Variants in ZFR observed in about 807,000 individuals in gnomAD.
ZFR encodes zinc finger RNA-binding protein.
In ZFR, 19 loss-of-function variants were observed where a neutral mutation model predicts 130.7. The ratio of observed to expected loss-of-function variants is 0.15; its 90% CI spans 0.10 to 0.21. The LOEUF (loss-of-function observed/expected upper bound fraction) is 0.21. Ranked by LOEUF, ZFR falls within the 10% of genes least tolerant of loss-of-function variation. The probability of loss-of-function intolerance (pLI) is 1.00; values close to 1 mark genes in which losing one functional copy is unlikely to be tolerated. For synonymous variants in ZFR, 466 were observed against 456.9 expected, an observed-to-expected ratio of 1.02 and a Z score of -0.25; for missense variants, 872 against 1,321.5, an observed-to-expected ratio of 0.66 and a Z score of 5.27.
At chr5:32,358,390 G>C (rs961058033) in intron 19 of ZFR, among the ~76,000 whole-genome samples, 1 of 152,176 alleles carries the variant, frequency 6.6e-6, no homozygotes, top group Non-Finnish European at 1.5e-5. Context: ...GCCGGGCGCG[G>C]TGGCGCAAGC....
intron 17 of ZFR, among the ~76,000 whole-genome samples, chr5:32,368,440 C>T (rs1218696271): frequency 1.3e-5 from 2 of 152,116 alleles, no homozygotes; most frequent in African/African-American, 2.4e-5. Flanking sequence ...TTCTCCATAT[C>T]GGTCAGGCTG....
chr5:32,365,287 T>C (rs982576923), intron 17 of ZFR, among the ~76,000 whole-genome samples: 1 of 152,312 alleles, frequency 6.6e-6, no homozygotes, highest in East Asian at 1.9e-4. Context: ...CTTTTGGCTA[T>C]ACACTAAAAA....
chr5:32,397,148 T>C lies in ZFR; in HGVS notation c.1833+71A>G, dbSNP rs2303170. 0.012 allele frequency: 18,723 copies of C among 1,508,296 alleles called. 1,626 individuals are homozygous for C. In the East Asian group the frequency reaches 0.21, roughly 17 times the overall value. 93.4% of individuals were successfully genotyped at this position (1,508,296 alleles called of 1,614,324 possible). A position where few individuals can be genotyped will look rare whatever the true frequency, so the allele number is the denominator to read the frequency against. ...CTGTGTTTAGATGCTTTCTTTTACA[T>C]AAAGAATGCTCTGGGTGTTTTTGTT... On this transcript the variant is annotated intron_variant, in intron 10 of 19. Coordinates refer to ENST00000265069, the MANE Select transcript of ZFR (RefSeq NM_016107.5).
chr5:32,405,343 T>C (rs1272067348), intron 6 of ZFR, among the ~76,000 whole-genome samples: 1 of 152,228 alleles, frequency 6.6e-6, no homozygotes, highest in East Asian at 1.9e-4. Flanking sequence ...CTTACTCTTT[T>C]CCTTCTTATG....
Position 32,388,660 on chromosome 5 carries a change from A to G in ZFR, c.2157T>C (p.Pro719=). Residue 719 remains proline, a synonymous_variant, in exon 13 of 20, where the codon CCT becomes CCC. Transcript: ENST00000265069. The stretch of plus-strand genomic sequence containing the variant: ...TTACATAACGGTCATCAGATGAGTC[A>G]GGACGACGTAAGGGCTACAGAGAAA... ...QPQGPAPLRR[P]DSSDDRYVMT... is the part of the protein sequence containing the mutation. 1 of 1,613,666 alleles carries G rather than the reference A, an allele frequency of 6.2e-7. No homozygotes were observed. Among genetic ancestry groups the G allele is most frequent in the African/African-American group, 1.3e-5 (1 of 75,062 alleles).
chr5:32,389,792 C>G (rs1401824679), intron 12 of ZFR, among the ~76,000 whole-genome samples: 2 of 152,164 alleles, frequency 1.3e-5, no homozygotes, highest in Admixed American at 1.3e-4. Flanking sequence ...GGTCCTTATA[C>G]AGAAGACACA....
In ZFR at chr5:32,403,999, C is replaced by T. The variant is rs778492746; in HGVS notation, c.1131G>A (p.Gly377=). Residue 377 remains glycine (G), a synonymous_variant, in exon 7 of 20, where the codon GGG becomes GGA. Transcript: ENST00000265069. ...GCTCACAACGTAGCTGATTTTGAGT[C>T]CCACGAGTAGAACTGTTGCTGCTGC... is the stretch of plus-strand genomic sequence containing the variant. ...NTSSSNSSTR[G]TQNQLRCELC... 1.2e-6 allele frequency: 2 copies of T among 1,614,118 alleles called. No individual in the cohort carries two copies. Among genetic ancestry groups the T allele is most frequent in the East Asian group, 4.5e-5 (2 of 44,886 alleles).
At chr5:32,382,146 T>C (rs941380385) in intron 15 of ZFR, among the ~76,000 whole-genome samples, 1 of 151,980 alleles carries the variant, frequency 6.6e-6, no homozygotes, top group African/African-American at 2.4e-5. Flanking sequence ...TACTCAAAAA[T>C]ACAAAAATTA....
At chr5:32,432,430 C>CT (rs1251289243) in intron 2 of ZFR, among the ~76,000 whole-genome samples, 1 of 152,082 alleles carries the variant, frequency 6.6e-6, no homozygotes, top group African/African-American at 2.4e-5. Context: ...TTTTCATACG[C>CT]TTTTTGGCCA....
intron 5 of ZFR, among the ~76,000 whole-genome samples, chr5:32,414,581 A>G (rs1753778209): frequency 6.6e-6 from 1 of 152,206 alleles, no homozygotes; most frequent in African/African-American, 2.4e-5. Flanking sequence ...TAGCTCTTCG[A>G]GAGCCAAAAT....
At position 32,444,668 on chromosome 5, in the gene ZFR, C is replaced by T. The variant is rs377253039; in HGVS notation, c.-10G>A. ...GGCATATGGGAATCATGGGCTCGGG[C>T]TGCTGCTGCTGAACTCTGAACTCTC... On this transcript the variant is annotated 5_prime_UTR_variant, in exon 1 of 20. Transcript: ENST00000265069. 6.0e-6 allele frequency: 9 copies of T among 1,508,794 alleles called. No individual in the cohort carries two copies. The highest frequency in any genetic ancestry group is 8.0e-6 in the Non-Finnish European group (9 of 1,128,554). 93.5% of individuals were successfully genotyped at this position (1,508,794 alleles called of 1,614,324 possible).
chr5:32,413,351 C>T (rs1473641833), intron 5 of ZFR, among the ~76,000 whole-genome samples: 1 of 151,988 alleles, frequency 6.6e-6, no homozygotes, highest in Non-Finnish European at 1.5e-5. Context: ...CAGAATAGCA[C>T]GTATAAGACA....
At chr5:32,430,495 C>G (rs1754183140) in intron 2 of ZFR, among the ~76,000 whole-genome samples, 1 of 151,892 alleles carries the variant, frequency 6.6e-6, no homozygotes, top group Non-Finnish European at 1.5e-5. Flanking sequence ...TAACTTACAT[C>G]TAATTGGAAT....
At chr5:32,372,732 G>A (rs549527716) in intron 17 of ZFR, among the ~76,000 whole-genome samples, 1 of 152,122 alleles carries the variant, frequency 6.6e-6, no homozygotes, top group Non-Finnish European at 1.5e-5. Flanking sequence ...TTACTTGAAA[G>A]GCTGAGGCAG....
intron 11 of ZFR, 81 bp from the exon 12 acceptor site, chr5:32,390,518 A>C: frequency 7.3e-7 from 1 of 1,362,502 alleles, no homozygotes; most frequent in Non-Finnish European, 9.8e-7. Context: ...CATAAAAAGC[A>C]ATAAAAAACC....
intron 3 of ZFR, among the ~76,000 whole-genome samples, 190 bp downstream of exon 3, chr5:32,419,631 C>T (rs1246662529): frequency 1.3e-5 from 2 of 152,180 alleles, no homozygotes; most frequent in Non-Finnish European, 1.5e-5. Flanking sequence ...AGCCACCGCG[C>T]CCAGCCGGCA....
intron 5 of ZFR, among the ~76,000 whole-genome samples, chr5:32,411,582 G>A (rs1289309481): frequency 6.6e-6 from 1 of 151,168 alleles, no homozygotes; most frequent in Non-Finnish European, 1.5e-5. Flanking sequence ...CCAGCTACTT[G>A]GGAGGCTGAG....
chr5:32,367,828 T>C (rs1192578605), intron 17 of ZFR, among the ~76,000 whole-genome samples: 1 of 152,158 alleles, frequency 6.6e-6, no homozygotes, highest in Non-Finnish European at 1.5e-5. Context: ...GCAGGCACCA[T>C]GCTAAATGAT....
At chr5:32,392,590 CAT>C (rs1753207839) in intron 11 of ZFR, among the ~76,000 whole-genome samples, 1 of 152,162 alleles carries the variant, frequency 6.6e-6, no homozygotes, top group South Asian at 2.1e-4. Flanking sequence ...ATGGCTATCA[CAT>C]TTAATTGGTA....
Sources: allele counts gnomAD v4.1 joint callset (sites outside exome capture counted in the v4.1 genomes callset), GRCh38; gene constraint gnomAD v4.1.1; transcripts MANE v1.5; gene names NCBI Gene and HGNC (gene_info 2026-07-23, HGNC 2026-07-21).